Variants in FAM161B observed in about 807,000 individuals in gnomAD.
FAM161B encodes the protein FAM161 centrosomal protein B.
A neutral mutation model predicts 61.5 loss-of-function variants in FAM161B; 46 were observed. The ratio of observed to expected loss-of-function variants is 0.75; its 90% CI spans 0.59 to 0.96. The LOEUF is 0.96. FAM161B is among the 40% of genes least tolerant of loss of function. The pLI is 0.00. For missense variants in FAM161B, 774 were observed against 800.7 expected, an observed-to-expected ratio of 0.97 and a Z score of 0.40; for synonymous variants, 284 against 302.7, an observed-to-expected ratio of 0.94 and a Z score of 0.64.
downstream of FAM161B, among the ~76,000 whole-genome samples, chr14:73,927,699 G>A (rs2055853441): frequency 6.6e-6 from 1 of 152,100 alleles, no homozygotes; most frequent in Non-Finnish European, 1.5e-5. Context: ...TTATACAATA[G>A]TAAACAAAAT....
In FAM161B at chr14:73,946,274, G is replaced by C. The variant is rs1159017534; in HGVS notation, c.374+12C>G. 6.2e-7 allele frequency: 1 copy of C among 1,606,772 alleles called. No individual in the cohort carries two copies. The highest frequency in any genetic ancestry group is 8.5e-7 in the Non-Finnish European group (1 of 1,175,272). ...TGTGGAGTGAGGCAGCCGTGGAGCT[G>C]CAGTGCCTTACCTCAGAGCCTGCGG... On this transcript the variant is annotated intron_variant, in intron 2 of 8. Coordinates refer to ENST00000286544, the MANE Select transcript of FAM161B (RefSeq NM_152445.3).
chr14:73,944,621 G>A lies in FAM161B; in HGVS notation c.639C>T (p.His213=), dbSNP rs749611009. ...QRQGEEEAEC[H]RQFRAQPVPA... is the part of the protein sequence containing the mutation. The stretch of plus-strand genomic sequence containing the variant: ...GCACAGGCTGTGCCCGGAACTGCCT[G>A]TGGCACTCGGCCTCTTCCTCACCCT... The change falls in exon 3 of 9, where the codon CAC becomes CAT. Residue 213 remains histidine, a synonymous_variant. Transcript: ENST00000286544. 3 of 1,614,042 alleles carry A rather than the reference G, an allele frequency of 1.9e-6. No homozygotes were observed. Among genetic ancestry groups the A allele is most frequent in the South Asian group, 2.2e-5 (2 of 91,080 alleles).
intron 1 of FAM161B, 142 bp downstream of exon 1, chr14:73,949,831 G>C (rs1465238105): frequency 4.1e-6 from 5 of 1,215,228 alleles, no homozygotes; most frequent in Non-Finnish European, 1.1e-6. Flanking sequence ...CTGTAAGTCA[G>C]AGTCCGCCTC....
downstream of FAM161B, among the ~76,000 whole-genome samples, chr14:73,929,890 A>G (rs961032739): frequency 1.3e-5 from 2 of 152,126 alleles, no homozygotes; most frequent in East Asian, 1.9e-4. Flanking sequence ...CAGGTGGACA[A>G]TCTCTATTTT....
At chr14:73,949,606 G>A (rs1389434367) in intron 1 of FAM161B, among the ~76,000 whole-genome samples, 1 of 149,648 alleles carries the variant, frequency 6.7e-6, no homozygotes, top group Non-Finnish European at 1.5e-5. Context: ...TGATCCACCC[G>A]CCTCGGCCTC....
downstream of FAM161B, among the ~76,000 whole-genome samples, chr14:73,930,730 G>C (rs548560951): frequency 6.6e-6 from 1 of 151,962 alleles, no homozygotes; most frequent in African/African-American, 2.4e-5. Context: ...AGCCTCCCAA[G>C]TAGCTAGGAC....
In FAM161B at chr14:73,942,708, C is replaced by G. The variant is rs756617240; in HGVS notation, c.933G>C (p.Glu311Asp). The change falls in exon 4 of 9, where the codon GAG becomes GAC. Residue 311 changes from glutamate to aspartate, a missense_variant. Transcript: ENST00000286544. Reference sequence around the variant, plus strand: ...TTTGGATGCGAATTTTCCTGAAGAGCTCAGCTTCTGTGGAGAAAGGATGGT... The same window carrying G: ...TTTGGATGCGAATTTTCCTGAAGAGGTCAGCTTCTGTGGAGAAAGGATGGT... ...PALGDKLQEAELFRKIRIQMR... is the reference protein window; with the variant it reads ...PALGDKLQEADLFRKIRIQMR... 5 of 1,611,714 alleles carry G rather than the reference C, an allele frequency of 3.1e-6. No homozygotes were observed. The South Asian group carries it at 5.5e-5, about 18-fold the overall frequency.
chr14:73,923,384 T>C, the FAM161B span: 15 of 1,609,124 alleles, frequency 9.3e-6, no homozygotes, highest in Non-Finnish European at 1.3e-5. Context: ...CATTTTTCTG[T>C]TGCTTCACAG....
Position 73,950,088 on chromosome 14 carries a change from G to C in FAM161B, c.-62C>G, listed in dbSNP as rs1330231223. The C allele has an allele frequency of 6.2e-7, 1 of 1,605,536 alleles. No homozygotes were observed. Among genetic ancestry groups the C allele is most frequent in the Admixed American group, 1.7e-5 (1 of 60,026 alleles). The stretch of plus-strand genomic sequence containing the variant: ...ATAGTGGCAGCAGCGGTGGCAGCGA[G>C]AGCTATGCGGGGCCAGGGTCCACCC... On this transcript the variant is annotated 5_prime_UTR_variant, in exon 1 of 9. Coordinates refer to ENST00000286544, the MANE Select transcript of FAM161B (RefSeq NM_152445.3).
At chr14:73,937,853 A>C in intron 6 of FAM161B, 95 bp downstream of exon 6, 1 of 1,577,208 alleles carries the variant, frequency 6.3e-7, no homozygotes. Context: ...GAGCCTACCT[A>C]CCTCGATAAC....
intron 7 of FAM161B, among the ~76,000 whole-genome samples, chr14:73,937,207 G>A (rs561129090): frequency 3.0e-4 from 46 of 152,294 alleles, no homozygotes; most frequent in African/African-American, 1.1e-3. Context: ...CACAGCTCTA[G>A]AGGCTGGGGA....
intron 4 of FAM161B, among the ~76,000 whole-genome samples, chr14:73,941,545 A>C (rs2056019204): frequency 6.6e-6 from 1 of 152,210 alleles, no homozygotes; most frequent in African/African-American, 2.4e-5. Context: ...CAAGACTTGG[A>C]TATCAATCCT....
At chr14:73,931,499 A>G, downstream of FAM161B, 1 of 1,606,326 alleles carries the variant, frequency 6.2e-7, no homozygotes, top group Non-Finnish European at 8.5e-7. Context: ...TCAATCTTTT[A>G]CAGTTACTAA....
At chr14:73,931,945 C>T (rs1482387524), downstream of FAM161B, 1 of 457,250 alleles carries the variant, frequency 2.2e-6, no homozygotes, top group Non-Finnish European at 4.4e-6. Flanking sequence ...CTACCAACAA[C>T]AGAGCTTCAC....
chr14:73,942,788 T>C (rs2056031360), intron 3 of FAM161B, 73 bp from the exon 4 acceptor site: 2 of 1,338,544 alleles, frequency 1.5e-6, no homozygotes, highest in Non-Finnish European at 1.0e-6. Flanking sequence ...ACTTTCCCTC[T>C]TTTACACACT....
At chr14:73,924,326 T>C in the FAM161B span, among the ~76,000 whole-genome samples, 1 of 152,198 alleles carries the variant, frequency 6.6e-6, no homozygotes, top group Admixed American at 6.5e-5. Context: ...CAGGTGGTAA[T>C]GCTTGCTCAC....
downstream of FAM161B, among the ~76,000 whole-genome samples, chr14:73,930,213 T>G (rs1005051333): frequency 4.6e-5 from 7 of 152,238 alleles, no homozygotes; most frequent in Non-Finnish European, 1.0e-4. Flanking sequence ...AAAAACACAC[T>G]ATTCTTAACT....
chr14:73,944,320 C>T lies in FAM161B; in HGVS notation c.925+15G>A, dbSNP rs760076160. ...CCCGAGGCAGGAGGCAGCAAGGTGG[C>T]AAGGATGTCTTTACCCTGGAGTTTA... On this transcript the variant is annotated intron_variant, in intron 3 of 8. Coordinates refer to ENST00000286544, the MANE Select transcript of FAM161B (RefSeq NM_152445.3). 9 of 1,555,678 alleles carry T rather than the reference C, an allele frequency of 5.8e-6. No individual in the cohort carries two copies. The highest frequency in any genetic ancestry group is 7.8e-6 in the Non-Finnish European group (9 of 1,147,336).
At chr14:73,940,834 C>A in intron 5 of FAM161B, 92 bp downstream of exon 5, 1 of 1,503,006 alleles carries the variant, frequency 6.7e-7, no homozygotes. Flanking sequence ...TGAGGTATCT[C>A]TGATAACAGG....
Sources: gnomAD v4.1 joint callset for allele counts (sites outside exome capture counted in the v4.1 genomes callset) on GRCh38, gnomAD v4.1.1 for gene constraint, MANE v1.5 for transcripts, NCBI Gene and HGNC (gene_info 2026-07-23, HGNC 2026-07-21) for gene names.